The following RALGPS1 variants were observed in gnomAD, a reference collection of about 807,000 sequenced individuals.
The protein encoded by RALGPS1 is Ral GEF with PH domain and SH3 binding motif 1, also known as ras-specific guanine nucleotide-releasing factor RalGPS1.
RALGPS1 carries 19 observed loss-of-function variants against 78.8 expected under a neutral mutation model. The observed-to-expected ratio is 0.24, with a 90% confidence interval of 0.17 to 0.35. RALGPS1 has a LOEUF of 0.35. Among genes scored for constraint, RALGPS1 ranks in the 10% least tolerant of loss-of-function variants. The probability of loss-of-function intolerance (pLI) is 1.00; values close to 1 mark genes in which losing one functional copy is unlikely to be tolerated. For missense variants in RALGPS1, 454 were observed against 688.3 expected (o/e 0.66, Z 3.81); for synonymous variants, 228 against 256.3 (o/e 0.89, Z 1.06).
intron 11 of RALGPS1, chr9:127,178,484 C>T: frequency 1.0e-6 from 1 of 990,588 alleles, no homozygotes. Flanking sequence ...TTAGGTGGAA[C>T]TTGATCATGG....
Position 127,029,720 on chromosome 9 carries a change from G to T in RALGPS1, c.217-4711G>T, listed in dbSNP as rs190716498. 1.8e-4 allele frequency among the ~76,000 whole-genome samples: 28 copies of T among 152,344 alleles called. 1 individual carries two copies. The East Asian group carries it at 5.0e-3, about 27-fold the overall frequency. The stretch of plus-strand genomic sequence containing the variant: ...CCTGTGGCCCGATGGCCTAGATGCC[G>T]TGGGGGTCTTCAGAGAGGACTTGTC... On this transcript the variant is annotated intron_variant, in intron 4 of 18. Transcript: ENST00000259351.
chr9:127,129,431 T>G (rs910042737), intron 8 of RALGPS1, among the ~76,000 whole-genome samples: 7 of 152,056 alleles, frequency 4.6e-5, no homozygotes, highest in Non-Finnish European at 1.0e-4. Flanking sequence ...GAGGACAGCT[T>G]TATAGTCAGT....
chr9:127,015,208 G>A (rs1217746301), intron 4 of RALGPS1, among the ~76,000 whole-genome samples: 1 of 152,206 alleles, frequency 6.6e-6, no homozygotes. Context: ...GTGGTTAAGA[G>A]CCTGGGCTTT....
At chr9:127,055,523 A>G (rs760116139) in intron 7 of RALGPS1, among the ~76,000 whole-genome samples, 9 of 152,206 alleles carry the variant, frequency 5.9e-5, no homozygotes, top group Non-Finnish European at 1.0e-4. Flanking sequence ...TGGCCCCTAA[A>G]CACTTTACAT....
intron 4 of RALGPS1, among the ~76,000 whole-genome samples, chr9:127,033,444 C>G (rs1467636976): frequency 2.0e-5 from 3 of 152,186 alleles, no homozygotes; most frequent in Non-Finnish European, 4.4e-5. Context: ...TAGGAGACCC[C>G]TGATCTGTAT....
Position 127,069,217 on chromosome 9 carries a change from CT to C in RALGPS1, c.484-11del. On this transcript the variant is annotated splice_polypyrimidine_tract_variant and intron_variant, in intron 7 of 18. Transcript: ENST00000259351. Reference sequence around the variant, plus strand: ...TGGTTTACTTATTTTGCTATATTTTCTTCTCATTCTAGCTTTTAAATCGAAA... The same window carrying C: ...TGGTTTACTTATTTTGCTATATTTTCTCTCATTCTAGCTTTTAAATCGAAA... 6.3e-7 allele frequency: 1 copy of C among 1,593,452 alleles called. No individual in the cohort carries two copies.
chr9:127,047,168 TTAA>T (rs1564478608), intron 5 of RALGPS1, among the ~76,000 whole-genome samples: 1 of 152,174 alleles, frequency 6.6e-6, no homozygotes, highest in African/African-American at 2.4e-5. Flanking sequence ...TCTGAGGACC[TTAA>T]TAAAAAGTGT....
rs59927797 is a variant in RALGPS1, at chr9:127,178,474, T to G, written c.910+3692T>G. 4,173 of 991,542 alleles carry G rather than the reference T, an allele frequency of 4.2e-3. 146 individuals carry two copies. The African/African-American group carries it at 0.068, about 16-fold the overall frequency. The allele number at this position is 991,542 out of a possible 1,614,324, so 61.4% of individuals were successfully genotyped here. A position where few individuals can be genotyped will look rare whatever the true frequency, so the allele number is the denominator to read the frequency against. On this transcript the variant is annotated intron_variant, in intron 11 of 18. Transcript: ENST00000259351. ...CAGTGCGCAACATAGAACACACGTG[T>G]TAGGTGGAACTTGATCATGGTGATG...
chr9:127,038,867 C>A (rs2134856553), intron 5 of RALGPS1, among the ~76,000 whole-genome samples: 1 of 152,200 alleles, frequency 6.6e-6, no homozygotes, highest in Non-Finnish European at 1.5e-5. Flanking sequence ...TATTAGAAGA[C>A]AAAATGACAG....
intron 8 of RALGPS1, among the ~76,000 whole-genome samples, chr9:127,132,280 C>T (rs79982183): frequency 6.6e-6 from 1 of 152,158 alleles, no homozygotes; most frequent in Admixed American, 6.5e-5. Context: ...ATTTCATTAA[C>T]ACGTCCCTGA....
At chr9:127,018,953 T>G (rs2045174010) in intron 4 of RALGPS1, among the ~76,000 whole-genome samples, 1 of 152,246 alleles carries the variant, frequency 6.6e-6, no homozygotes, top group Non-Finnish European at 1.5e-5. Flanking sequence ...AATGTCGTTC[T>G]GCAGTACATG....
chr9:126,930,174 GTTT>G (rs368081539), intron 1 of RALGPS1, among the ~76,000 whole-genome samples: 1 of 140,122 alleles, frequency 7.1e-6, no homozygotes, highest in Non-Finnish European at 1.6e-5. Context: ...TTTTATTTTA[GTTT>G]TTTTTTTTTT....
At chr9:127,186,609 C>T (rs1430544914) in intron 11 of RALGPS1, among the ~76,000 whole-genome samples, 2 of 152,254 alleles carry the variant, frequency 1.3e-5, no homozygotes, top group Non-Finnish European at 2.9e-5. Context: ...AGAGAGGCCC[C>T]CCATCCCTGG....
intron 4 of RALGPS1, among the ~76,000 whole-genome samples, chr9:127,003,299 A>C (rs1422435200): frequency 6.6e-6 from 1 of 152,056 alleles, no homozygotes; most frequent in African/African-American, 2.4e-5. Context: ...TTCGCAACCT[A>C]CTCATCTGAC....
chr9:126,952,638 AG>A (rs2131800713), intron 1 of RALGPS1, among the ~76,000 whole-genome samples: 1 of 94,238 alleles, frequency 1.1e-5, no homozygotes, highest in South Asian at 4.2e-4. Context: ...TGAGAGAGAG[AG>A]AGAGAGAGAG....
In RALGPS1 at chr9:126,962,319, C is replaced by CG; in HGVS notation, c.31dup (p.Val11GlyfsTer30). ...ACAAGAGGAATGGTCTGATGGCTAG[C>CG]GTGTTGGTCACCTCTGCCACTCCAC... On this transcript the variant is annotated frameshift_variant, in exon 2 of 19. Coordinates refer to ENST00000259351, the MANE Select transcript of RALGPS1 (RefSeq NM_014636.3). LOFTEE classifies it high-confidence loss of function. 1 of 1,614,160 alleles carries CG rather than the reference C, an allele frequency of 6.2e-7. No individual in the cohort carries two copies. The highest frequency in any genetic ancestry group is 8.5e-7 in the Non-Finnish European group (1 of 1,180,012).
chr9:127,214,173 G>C (rs894385408), intron 17 of RALGPS1: 5 of 152,140 alleles, frequency 3.3e-5, no homozygotes, highest in African/African-American at 1.2e-4. Context: ...GAATTCAAGA[G>C]GTCTGTGAAC....
intron 4 of RALGPS1, among the ~76,000 whole-genome samples, chr9:127,015,946 C>A (rs1049709168): frequency 1.3e-5 from 2 of 152,022 alleles, no homozygotes; most frequent in Non-Finnish European, 2.9e-5. Flanking sequence ...TCTCTCCCTT[C>A]TCCTCCTTTT....
At chr9:126,934,020 C>T (rs2036041444) in intron 1 of RALGPS1, among the ~76,000 whole-genome samples, 1 of 152,142 alleles carries the variant, frequency 6.6e-6, no homozygotes, top group Non-Finnish European at 1.5e-5. Context: ...ATTCCCCATG[C>T]ACACCTTACA....
Sources: allele counts gnomAD v4.1 joint callset (sites outside exome capture counted in the v4.1 genomes callset), GRCh38; gene constraint gnomAD v4.1.1; transcripts MANE v1.5; gene names NCBI Gene and HGNC (gene_info 2026-07-23, HGNC 2026-07-21).